ZBTB44: variants seen among roughly 807,000 people sequenced by gnomAD.
ZBTB44 encodes the protein zinc finger and BTB domain-containing protein 44.
A neutral mutation model predicts 54.0 loss-of-function variants in ZBTB44; 15 were observed. The ratio of observed to expected loss-of-function variants is 0.28; its 90% CI spans 0.19 to 0.43. The LOEUF (loss-of-function observed/expected upper bound fraction) is 0.43. ZBTB44 is among the 20% of genes least tolerant of loss of function. The probability of loss-of-function intolerance (pLI) is 1.00; values close to 1 mark genes in which losing one functional copy is unlikely to be tolerated. For synonymous variants in ZBTB44, 230 were observed against 250.1 expected, an observed-to-expected ratio of 0.92 and a Z score of 0.76; for missense variants, 487 against 707.1, an observed-to-expected ratio of 0.69 and a Z score of 3.53.
intron 1 of ZBTB44, among the ~76,000 whole-genome samples, chr11:130,266,804 T>A (rs545050210): frequency 1.6e-4 from 25 of 152,322 alleles, no homozygotes; most frequent in African/African-American, 6.0e-4. Flanking sequence ...TTGCTCCTTG[T>A]GGATAAGCAA....
At chr11:130,292,865 A>G (rs1052645227) in intron 1 of ZBTB44, among the ~76,000 whole-genome samples, 2 of 152,160 alleles carry the variant, frequency 1.3e-5, no homozygotes, top group Non-Finnish European at 2.9e-5. Context: ...AAGTTATTAA[A>G]ATAAGACGTT....
intron 2 of ZBTB44, among the ~76,000 whole-genome samples, chr11:130,241,582 CT>C (rs375829908): frequency 4.7e-4 from 72 of 152,220 alleles, no homozygotes; most frequent in African/African-American, 1.7e-3. Flanking sequence ...CATAAGAGTT[CT>C]TTTCACAATT....
At chr11:130,263,740 C>T (rs959497360) in intron 1 of ZBTB44, among the ~76,000 whole-genome samples, 6 of 152,196 alleles carry the variant, frequency 3.9e-5, no homozygotes, top group African/African-American at 1.4e-4. Context: ...CACCTTCAGT[C>T]ATCTTCCGTG....
At chr11:130,290,798 A>G (rs944696486) in intron 1 of ZBTB44, among the ~76,000 whole-genome samples, 1 of 152,162 alleles carries the variant, frequency 6.6e-6, no homozygotes, top group Non-Finnish European at 1.5e-5. Context: ...CTCCCATTAC[A>G]TTGATGGGGA....
At chr11:130,254,592 T>A (rs1488953834) in intron 2 of ZBTB44, among the ~76,000 whole-genome samples, 1 of 152,040 alleles carries the variant, frequency 6.6e-6, no homozygotes, top group Non-Finnish European at 1.5e-5. Flanking sequence ...CTGGAGAGGA[T>A]GTGGAGAAAT....
intron 2 of ZBTB44, among the ~76,000 whole-genome samples, chr11:130,243,224 TAAA>T (rs1012562348): frequency 6.6e-6 from 1 of 152,238 alleles, no homozygotes; most frequent in Non-Finnish European, 1.5e-5. Flanking sequence ...CTGCTGCATT[TAAA>T]AAACACATTT....
intron 1 of ZBTB44, among the ~76,000 whole-genome samples, chr11:130,267,675 A>C (rs1939352586): frequency 6.6e-6 from 1 of 152,118 alleles, no homozygotes; most frequent in Admixed American, 6.5e-5. Flanking sequence ...CTGAGATTAC[A>C]GGTTTGAACT....
chr11:130,283,491 G>C (rs113095603), intron 1 of ZBTB44, among the ~76,000 whole-genome samples: 1 of 152,030 alleles, frequency 6.6e-6, no homozygotes, highest in Non-Finnish European at 1.5e-5. Context: ...AAAGCAAAGC[G>C]CACCAGACTT....
chr11:130,243,340 C>T (rs1426069075), intron 2 of ZBTB44, among the ~76,000 whole-genome samples: 1 of 152,106 alleles, frequency 6.6e-6, no homozygotes, highest in Non-Finnish European at 1.5e-5. Flanking sequence ...AATTGAGTTG[C>T]TGAGGTCAGG....
At chr11:130,297,198 T>C (rs1351926855) in intron 1 of ZBTB44, among the ~76,000 whole-genome samples, 1 of 152,238 alleles carries the variant, frequency 6.6e-6, no homozygotes, top group Non-Finnish European at 1.5e-5. Context: ...CTGAGCACTG[T>C]AACTTCTATC....
rs368668254 is a variant in ZBTB44, at chr11:130,254,025, G to C, written c.1018+6831C>G. On this transcript the variant is annotated intron_variant, in intron 2 of 7. Coordinates refer to ENST00000357899, the MANE Select transcript of ZBTB44 (RefSeq NM_001301098.2). Reference sequence around the variant, plus strand: ...AAACTGGCTAGCCATATGTAGAAAGGTGAAACTGGATCCCTTCCTTACACA... The same window carrying C: ...AAACTGGCTAGCCATATGTAGAAAGCTGAAACTGGATCCCTTCCTTACACA... 1.2e-4 allele frequency among the ~76,000 whole-genome samples: 19 copies of C among 152,176 alleles called. No homozygotes were observed. In the East Asian group the frequency reaches 1.9e-3, roughly 15 times the overall value.
chr11:130,233,103 T>C, intron 7 of ZBTB44: 1 of 514,710 alleles, frequency 1.9e-6, no homozygotes, highest in East Asian at 3.2e-5. Flanking sequence ...CACATAAACC[T>C]ATATATAAAA....
chr11:130,278,766 G>C (rs1305670712), intron 1 of ZBTB44, among the ~76,000 whole-genome samples: 3 of 151,970 alleles, frequency 2.0e-5, no homozygotes, highest in Admixed American at 6.6e-5. Context: ...ATTTCTAATT[G>C]TTTTTTCAAT....
At chr11:130,283,334 C>T (rs1320307289) in intron 1 of ZBTB44, among the ~76,000 whole-genome samples, 2 of 152,054 alleles carry the variant, frequency 1.3e-5, no homozygotes, top group Non-Finnish European at 2.9e-5. Flanking sequence ...GCATGAGCCA[C>T]CGTGCCCGGC....
chr11:130,298,945 T>C (rs751026787), intron 1 of ZBTB44, among the ~76,000 whole-genome samples: 3 of 151,962 alleles, frequency 2.0e-5, no homozygotes, highest in Non-Finnish European at 4.4e-5. Context: ...TAGCCACACA[T>C]AGTGGCATGC....
In ZBTB44 at chr11:130,283,969, C is replaced by CAAAAAAAAAAAAAAAAAAAAAAAAA. The variant is rs71061377; in HGVS notation, c.-56-22065_-56-22041dup. 3.5e-4 allele frequency among the ~76,000 whole-genome samples: 16 copies of CAAAAAAAAAAAAAAAAAAAAAAAAA among 45,176 alleles called. 1 individual carries two copies. The highest frequency in any genetic ancestry group is 1.8e-3 in the South Asian group (2 of 1,130). The allele number at this position is 45,176 out of a possible 152,430, so 29.6% of individuals were successfully genotyped here. A position where few individuals can be genotyped will look rare whatever the true frequency, so the allele number is the denominator to read the frequency against. The stretch of plus-strand genomic sequence containing the variant: ...TGGGTGACAGAGTAAGACTCCATCT[C>CAAAAAAAAAAAAAAAAAAAAAAAAA]AAAAAAAAAAAAAAAAAAAAAAAAA... On this transcript the variant is annotated intron_variant, in intron 1 of 7. Transcript: ENST00000357899.
chr11:130,313,966 A>ATTTTTTTT (rs1555059256), intron 1 of ZBTB44, among the ~76,000 whole-genome samples: 141 of 116,228 alleles, frequency 1.2e-3, no homozygotes, highest in Non-Finnish European at 2.1e-3. Context: ...ATATATATAT[A>ATTTTTTTT]TTTTTTTAAA....
chr11:130,258,099 CAT>C (rs1938581537), intron 2 of ZBTB44, among the ~76,000 whole-genome samples: 1 of 152,152 alleles, frequency 6.6e-6, no homozygotes, highest in East Asian at 1.9e-4. Flanking sequence ...GCTATTGATT[CAT>C]ATGATTGCCA....
intron 6 of ZBTB44, chr11:130,233,906 T>C (rs1418263763): frequency 2.7e-5 from 29 of 1,086,888 alleles, no homozygotes; most frequent in Non-Finnish European, 3.3e-5. Context: ...CGGCTTTTTT[T>C]GTTTAAAAAA....
Sources: allele counts gnomAD v4.1 joint callset (sites outside exome capture counted in the v4.1 genomes callset), GRCh38; gene constraint gnomAD v4.1.1; transcripts MANE v1.5; gene names NCBI Gene and HGNC (gene_info 2026-07-23, HGNC 2026-07-21).